Variants in RBM5 observed in about 807,000 individuals in gnomAD.
The protein encoded by RBM5 is RNA binding motif protein 5.
In RBM5, 15 loss-of-function variants were observed where a neutral mutation model predicts 124.6. The observed-to-expected ratio is 0.12, with a 90% CI of 0.08 to 0.19. The LOEUF is 0.19. Ranked by LOEUF, RBM5 falls within the 10% of genes least tolerant of loss-of-function variation. The pLI is 1.00. For synonymous variants in RBM5, 337 were observed against 361.2 expected (o/e 0.93, Z 0.76); for missense variants, 580 against 1,026.5 (o/e 0.57, Z 5.94).
At chr3:50,091,991 TA>T in intron 2 of RBM5, 51 bp from the exon 3 acceptor site, 1 of 1,575,092 alleles carries the variant, frequency 6.3e-7, no homozygotes, top group East Asian at 2.2e-5. Flanking sequence ...CTATGTCTTT[TA>T]AAGGTACAAA....
In RBM5 at chr3:50,102,824, C is replaced by T. The variant is rs190265715; in HGVS notation, c.484-259C>T. On this transcript the variant is annotated intron_variant, in intron 6 of 24. Transcript: ENST00000347869. ...AGGACTTCTGTCTCCGCTGGAGACA[C>T]GGCCTGGTGCAAGTCAGCGTTTAGT... The T allele has an allele frequency of 1.1e-3, 490 of 437,316 alleles. 2 individuals carry two copies. Among genetic ancestry groups the T allele is most frequent in the South Asian group, 5.0e-3 (192 of 38,060 alleles). 27.1% of individuals were successfully genotyped at this position (437,316 alleles called of 1,614,324 possible). A position where few individuals can be genotyped will look rare whatever the true frequency, so the allele number is the denominator to read the frequency against.
At position 50,118,341 on chromosome 3, in the gene RBM5, G is replaced by A. The variant is rs148253572; in HGVS notation, c.2333G>A (p.Arg778Gln). Reference sequence around the variant, plus strand: ...TCTGTGCTTTCCCAGGCTCAAGTTCGGCTAAAGGGAGCTGGCCTAGGAGCC... The same window carrying A: ...TCTGTGCTTTCCCAGGCTCAAGTTCAGCTAAAGGGAGCTGGCCTAGGAGCC... ...GITAPIEAQV[R>Q]LKGAGLGAKG... The change falls in exon 25 of 25, where the codon CGG becomes CAG. Residue 778 changes from arginine to glutamine, a missense_variant. Physicochemically the swap from Arg to Gln is conservative, Grantham distance 43 (BLOSUM62 1). This residue lies in a region of RBM5 where 234 missense variants were observed against 435.1 expected (regional missense o/e 0.54). Coordinates refer to ENST00000347869, the MANE Select transcript of RBM5 (RefSeq NM_005778.4). 1 of 1,614,072 alleles carries A rather than the reference G, an allele frequency of 6.2e-7. No individual in the cohort carries two copies. Among genetic ancestry groups the A allele is most frequent in the Non-Finnish European group, 8.5e-7 (1 of 1,180,004 alleles).
At chr3:50,095,658 GCTT>G (rs951720913) in intron 4 of RBM5, among the ~76,000 whole-genome samples, 33 of 151,922 alleles carry the variant, frequency 2.2e-4, no homozygotes, top group East Asian at 1.2e-3. Context: ...ATCGGGCAGA[GCTT>G]CTTCTTCGTT....
chr3:50,103,432 A>AG (rs1170640010), intron 7 of RBM5, among the ~76,000 whole-genome samples: 1 of 152,196 alleles, frequency 6.6e-6, no homozygotes, highest in East Asian at 1.9e-4. Context: ...AGATAGCTTG[A>AG]GGCCAGGGGT....
chr3:50,113,864 A>G (rs770674588), intron 18 of RBM5, 86 bp from the exon 19 acceptor site: 15 of 1,450,852 alleles, frequency 1.0e-5, no homozygotes, highest in Non-Finnish European at 1.2e-5. Context: ...TACAGGGCAT[A>G]TAGTTGAGAT....
intron 2 of RBM5, 192 bp from the exon 3 acceptor site, chr3:50,091,848 TATC>T (rs1393493284): frequency 3.3e-5 from 21 of 632,350 alleles, no homozygotes; most frequent in Non-Finnish European, 6.0e-5. Context: ...TCCTGAGAAT[TATC>T]ATTACATTTA....
At chr3:50,112,019 C>T (rs13099211) in intron 17 of RBM5, 3 of 149,860 alleles carry the variant, frequency 2.0e-5, no homozygotes, top group Admixed American at 1.3e-4. Context: ...CCATCCACTT[C>T]TCTCATTTGT....
chr3:50,113,306 T>G, intron 17 of RBM5, 77 bp from the exon 18 acceptor site: 1 of 1,381,082 alleles, frequency 7.2e-7, no homozygotes, highest in Non-Finnish European at 9.8e-7. Flanking sequence ...ATACTTTATC[T>G]TTTTTTTGAC....
intron 16 of RBM5, 66 bp from the exon 17 acceptor site, chr3:50,110,613 C>A: frequency 6.6e-7 from 1 of 1,506,130 alleles, no homozygotes; most frequent in Non-Finnish European, 9.2e-7. Flanking sequence ...ATCTCACTGG[C>A]TTAGAATTTG....
chr3:50,105,991 C>T (rs532831225), intron 10 of RBM5, among the ~76,000 whole-genome samples: 18 of 152,118 alleles, frequency 1.2e-4, no homozygotes, highest in South Asian at 2.1e-4. Flanking sequence ...GTCTCACTGT[C>T]GCCCAGGCTG....
chr3:50,118,504 C>A lies in RBM5; in HGVS notation c.*48C>A. ...ACAAGGAGCACAAGAAGTGGTCCAT[C>A]TCCCGAATTCGCTGTTACCGCCTGT... is the stretch of plus-strand genomic sequence containing the variant. On this transcript the variant is annotated 3_prime_UTR_variant, in exon 25 of 25. Transcript: ENST00000347869. 1 of 1,589,418 alleles carries A rather than the reference C, an allele frequency of 6.3e-7. No homozygotes were observed. Among genetic ancestry groups the A allele is most frequent in the Non-Finnish European group, 8.6e-7 (1 of 1,166,022 alleles).
intron 17 of RBM5, chr3:50,112,251 A>AAAT (rs933145673): frequency 1.3e-5 from 2 of 150,142 alleles, no homozygotes; most frequent in Admixed American, 6.6e-5. Flanking sequence ...AAAAAAAAAA[A>AAAT]AAAAATACAA....
intron 17 of RBM5, chr3:50,113,129 C>T (rs968912883): frequency 3.2e-5 from 9 of 277,562 alleles, no homozygotes; most frequent in African/African-American, 6.7e-5. Flanking sequence ...GCTAGGATTA[C>T]GGGCATGAGC....
rs200210951 is a variant in RBM5, at chr3:50,105,167, T to G, written c.694+25T>G. 4.6e-6 allele frequency: 7 copies of G among 1,538,116 alleles called. No homozygotes were observed. In the South Asian group the frequency reaches 5.6e-5, roughly 12 times the overall value. On this transcript the variant is annotated intron_variant, in intron 9 of 24. Coordinates refer to ENST00000347869, the MANE Select transcript of RBM5 (RefSeq NM_005778.4). ...AGTAAGTTCATACACGATCTTTTGG[T>G]CTTCATGTTAAAAATTGACCTCAGT...
intron 22 of RBM5, chr3:50,116,686 A>G: frequency 3.5e-6 from 1 of 281,826 alleles, no homozygotes; most frequent in Non-Finnish European, 6.9e-6. Context: ...AGCCTCCTTG[A>G]TGTTGGAGGT....
At chr3:50,110,239 G>T in intron 15 of RBM5, 140 bp from the exon 16 acceptor site, 1 of 689,144 alleles carries the variant, frequency 1.5e-6, no homozygotes. Flanking sequence ...TTGTCAACAT[G>T]TGTTTTGCTG....
intron 17 of RBM5, 169 bp downstream of exon 17, chr3:50,110,939 T>C (rs951984722): frequency 1.0e-5 from 6 of 595,846 alleles, no homozygotes; most frequent in East Asian, 2.8e-5. Flanking sequence ...AAGTTTTAAT[T>C]GTAGGGTTAA....
intron 2 of RBM5, 130 bp downstream of exon 2, chr3:50,090,581 C>A (rs1394639563): frequency 9.8e-7 from 1 of 1,018,018 alleles, no homozygotes; most frequent in Non-Finnish European, 1.5e-6. Context: ...CCTTTATGAT[C>A]CTGTTGTCAC....
chr3:50,092,447 GC>G (rs1439744739), intron 3 of RBM5, among the ~76,000 whole-genome samples: 3 of 151,706 alleles, frequency 2.0e-5, no homozygotes, highest in African/African-American at 7.3e-5. Context: ...TGTAATCCCA[GC>G]TACTTGGGAG....
Sources: gnomAD v4.1 joint callset for allele counts (sites outside exome capture counted in the v4.1 genomes callset) on GRCh38, gnomAD v4.1.1 for gene constraint, gnomAD v4.1.1 regional missense constraint, MANE v1.5 for transcripts, NCBI Gene and HGNC (gene_info 2026-07-23, HGNC 2026-07-21) for gene names.